CDH18: variants seen among roughly 807,000 people sequenced by gnomAD.
CDH18 encodes cadherin-18.
Under a neutral mutation model 67.9 loss-of-function variants are expected in CDH18, and 31 were observed. The observed-to-expected ratio is 0.46, with a 90% CI of 0.34 to 0.62. CDH18 has a LOEUF of 0.62. Among genes scored for constraint, CDH18 ranks in the 20% least tolerant of loss-of-function variants. CDH18 has a pLI of 0.01. For synonymous variants in CDH18, 362 were observed against 347.2 expected, an observed-to-expected ratio of 1.04 and a Z score of -0.48; for missense variants, 890 against 975.5, an observed-to-expected ratio of 0.91 and a Z score of 1.17.
intron 3 of CDH18, among the ~76,000 whole-genome samples, chr5:19,777,825 C>T (rs1258301575): frequency 6.6e-6 from 1 of 151,950 alleles, no homozygotes; most frequent in Non-Finnish European, 1.5e-5. Flanking sequence ...ATTAAAATTA[C>T]TAAAATGAAT....
Position 19,483,475 on chromosome 5 carries a change from T to C in CDH18, c.1708A>G (p.Ile570Val), listed in dbSNP as rs145124695. 3.5e-5 allele frequency: 56 copies of C among 1,614,038 alleles called. No individual in the cohort carries two copies. The highest frequency in any genetic ancestry group is 4.4e-5 in the Non-Finnish European group (52 of 1,179,994). Residue 570 changes from isoleucine to valine, a missense_variant, in exon 12 of 13, where the codon ATC (isoleucine) becomes GTC (valine). Coordinates refer to ENST00000382275, the MANE Select transcript of CDH18 (RefSeq NM_004934.5). ...AGAGAGGGGATTCCACCATCAGAGA[T>C]CATAATGGGCAGATAATACACATCC... ...VQDVYYLPIM[I>V]SDGGIPSLSS...
chr5:20,455,767 C>CAAT (rs1750796053), intron 1 of CDH18, among the ~76,000 whole-genome samples: 1 of 151,736 alleles, frequency 6.6e-6, no homozygotes, highest in African/African-American at 2.4e-5. Flanking sequence ...TTACATAGAG[C>CAAT]AATAGTTTCT....
intron 6 of CDH18, among the ~76,000 whole-genome samples, chr5:19,602,606 T>C (rs913951878): frequency 1.3e-5 from 2 of 152,084 alleles, no homozygotes; most frequent in African/African-American, 4.8e-5. Context: ...AGAACTCTTG[T>C]GCCCTGTTAG....
chr5:20,148,212 C>T (rs1194110839), intron 2 of CDH18, among the ~76,000 whole-genome samples: 1 of 151,902 alleles, frequency 6.6e-6, no homozygotes, highest in African/African-American at 2.4e-5. Context: ...CTGCCTCAGC[C>T]TCCCGAGTAG....
At chr5:19,817,008 G>C (rs531285203) in intron 3 of CDH18, among the ~76,000 whole-genome samples, 138 of 151,634 alleles carry the variant, frequency 9.1e-4, no homozygotes, top group African/African-American at 3.3e-3. Context: ...ATTATGTAAA[G>C]AATTAATAGG....
chr5:19,747,322 C>T (rs927351435), intron 3 of CDH18, 86 bp from the exon 4 acceptor site: 3 of 1,131,268 alleles, frequency 2.7e-6, no homozygotes, highest in Non-Finnish European at 3.8e-6. Flanking sequence ...TCTATAATTA[C>T]TTTGGCTATG....
chr5:19,623,333 G>T (rs952471654), intron 5 of CDH18, among the ~76,000 whole-genome samples: 1 of 152,130 alleles, frequency 6.6e-6, no homozygotes, highest in Non-Finnish European at 1.5e-5. Context: ...ACTCTATGGG[G>T]AGTATTGAGA....
chr5:20,390,382 A>G (rs922541225), intron 1 of CDH18, among the ~76,000 whole-genome samples: 9 of 152,330 alleles, frequency 5.9e-5, no homozygotes, highest in Admixed American at 5.9e-4. Context: ...AAGACACATG[A>G]AAAAATGCTC....
intron 4 of CDH18, among the ~76,000 whole-genome samples, chr5:19,726,653 A>G (rs1039796794): frequency 1.3e-5 from 2 of 152,192 alleles, no homozygotes; most frequent in Non-Finnish European, 2.9e-5. Context: ...TGAAAGAAAA[A>G]TATATTCGTA....
At chr5:19,834,805 T>C (rs1009086311) in intron 3 of CDH18, among the ~76,000 whole-genome samples, 1 of 152,128 alleles carries the variant, frequency 6.6e-6, no homozygotes, top group African/African-American at 2.4e-5. Context: ...CAGGAGCAGG[T>C]TGCATGAAAT....
intron 1 of CDH18, among the ~76,000 whole-genome samples, chr5:20,322,226 T>G (rs559453531): frequency 6.6e-6 from 1 of 152,198 alleles, no homozygotes; most frequent in Non-Finnish European, 1.5e-5. Flanking sequence ...ACCACTGATT[T>G]CAGTTGAGTC....
At chr5:20,248,983 A>AT (rs1319390721) in intron 2 of CDH18, among the ~76,000 whole-genome samples, 2 of 152,246 alleles carry the variant, frequency 1.3e-5, no homozygotes, top group African/African-American at 4.8e-5. Flanking sequence ...AATAGGCTTA[A>AT]TTTTTTCATG....
chr5:20,301,817 C>T (rs1470276791), intron 1 of CDH18, among the ~76,000 whole-genome samples: 1 of 126,674 alleles, frequency 7.9e-6, no homozygotes, highest in Non-Finnish European at 1.6e-5. Flanking sequence ...TGGCATGCAG[C>T]ACATATAAAA....
At chr5:19,574,865 C>A (rs1469139725) in intron 7 of CDH18, among the ~76,000 whole-genome samples, 1 of 151,928 alleles carries the variant, frequency 6.6e-6, no homozygotes, top group Admixed American at 6.6e-5. Flanking sequence ...ACGGTGACAC[C>A]CTGTCTTTAC....
At chr5:20,396,408 C>CAA (rs4002087) in intron 1 of CDH18, among the ~76,000 whole-genome samples, 110,138 of 148,706 alleles carry the variant, frequency 0.74, 41,932 homozygotes, top group Non-Finnish European at 0.84. Context: ...GTTTATAAAG[C>CAA]AAAAAAAAAA....
intron 2 of CDH18, among the ~76,000 whole-genome samples, chr5:19,970,183 TAGAC>T (rs1313530291): frequency 1.6e-4 from 25 of 151,580 alleles, no homozygotes; most frequent in Admixed American, 9.2e-4. Flanking sequence ...CAGAATGAAA[TAGAC>T]AGAAAGAAGC....
At chr5:19,906,923 C>A (rs1790604972) in intron 2 of CDH18, among the ~76,000 whole-genome samples, 1 of 151,788 alleles carries the variant, frequency 6.6e-6, no homozygotes, top group Non-Finnish European at 1.5e-5. Context: ...AGCTGCTAAC[C>A]AAAATGAAGC....
chr5:20,021,690 T>C (rs1738435404), intron 2 of CDH18, among the ~76,000 whole-genome samples: 1 of 152,218 alleles, frequency 6.6e-6, no homozygotes, highest in South Asian at 2.1e-4. Context: ...GTAAGTTTCC[T>C]GAGGCCTCCC....
At chr5:20,075,390 C>T (rs1480784017) in intron 2 of CDH18, among the ~76,000 whole-genome samples, 3 of 152,054 alleles carry the variant, frequency 2.0e-5, no homozygotes, top group Non-Finnish European at 2.9e-5. Context: ...GTAGCCCCAG[C>T]TACTTGGGAG....
Sources: allele counts gnomAD v4.1 joint callset (sites outside exome capture counted in the v4.1 genomes callset), GRCh38; gene constraint gnomAD v4.1.1; transcripts MANE v1.5; gene names NCBI Gene and HGNC (gene_info 2026-07-23, HGNC 2026-07-21).